The following CELF4 variants were observed in gnomAD, a reference collection of about 807,000 sequenced individuals.
CELF4 encodes the protein CUGBP Elav-like family member 4, also known as CUG-BP- and ETR-3-like factor 4.
CELF4 carries 18 observed loss-of-function variants against 59.9 expected under a neutral mutation model. The ratio of observed to expected loss-of-function variants is 0.30; its 90% CI spans 0.21 to 0.45. CELF4 has a LOEUF of 0.45. Among genes scored for constraint, CELF4 ranks in the 20% least tolerant of loss-of-function variants. The probability of loss-of-function intolerance (pLI) is 1.00; values close to 1 mark genes in which losing one functional copy is unlikely to be tolerated. For missense variants in CELF4, 456 were observed against 689.0 expected (o/e 0.66, Z 3.79); for synonymous variants, 261 against 267.1 (o/e 0.98, Z 0.22).
intron 3 of CELF4, among the ~76,000 whole-genome samples, chr18:37,318,992 C>T (rs1416087569): frequency 6.6e-6 from 1 of 152,156 alleles, no homozygotes; most frequent in African/African-American, 2.4e-5. Flanking sequence ...ACCTTCAAGA[C>T]CAGAAGGGCC....
At chr18:37,310,702 G>C (rs549107047) in intron 3 of CELF4, among the ~76,000 whole-genome samples, 5 of 152,332 alleles carry the variant, frequency 3.3e-5, no homozygotes, top group African/African-American at 1.2e-4. Flanking sequence ...TTATCAGGCT[G>C]TTCCCAGTGC....
chr18:37,278,414 G>A lies in CELF4; in HGVS notation c.449-3171C>T, dbSNP rs185824792. On this transcript the variant is annotated intron_variant, in intron 3 of 12. Transcript: ENST00000420428. ...GTCCTCCAGTTGGGTATTGTGGCTT[G>A]TGCGAGTGATTCTAAGGCTTGTCTC... Among the ~76,000 whole-genome samples, 9 of 152,228 alleles carry A rather than the reference G, an allele frequency of 5.9e-5. No homozygotes were observed. In the East Asian group the frequency reaches 1.7e-3, roughly 29 times the overall value.
intron 2 of CELF4, among the ~76,000 whole-genome samples, chr18:37,341,697 C>A (rs1412597348): frequency 1.3e-5 from 2 of 152,152 alleles, no homozygotes; most frequent in Admixed American, 1.3e-4. Flanking sequence ...CAGAGGGGAC[C>A]CTGCCTGGGG....
At chr18:37,517,913 G>C (rs1046340689) in intron 1 of CELF4, among the ~76,000 whole-genome samples, 5 of 152,130 alleles carry the variant, frequency 3.3e-5, no homozygotes. Flanking sequence ...TGTAGTTCAG[G>C]GTGTGTGTGA....
At chr18:37,442,878 CT>C (rs1343042964) in intron 2 of CELF4, among the ~76,000 whole-genome samples, 7 of 152,186 alleles carry the variant, frequency 4.6e-5, no homozygotes, top group Admixed American at 3.9e-4. Flanking sequence ...TTAAGCTCTC[CT>C]TCCTTTTCTT....
intron 2 of CELF4, among the ~76,000 whole-genome samples, chr18:37,344,598 A>C (rs952025941): frequency 1.3e-5 from 2 of 152,272 alleles, no homozygotes; most frequent in Non-Finnish European, 2.9e-5. Context: ...GGTGTGAGCC[A>C]TGAAAGCTTG....
intron 2 of CELF4, among the ~76,000 whole-genome samples, chr18:37,420,386 T>C (rs1296701340): frequency 6.6e-6 from 1 of 151,886 alleles, no homozygotes; most frequent in African/African-American, 2.4e-5. Flanking sequence ...CGATGAGGAG[T>C]GAATGAAATA....
chr18:37,352,996 C>T (rs1470019325), intron 2 of CELF4, among the ~76,000 whole-genome samples: 1 of 151,966 alleles, frequency 6.6e-6, no homozygotes, highest in Non-Finnish European at 1.5e-5. Context: ...CCAAGGTGGG[C>T]AGATCAGGAA....
intron 2 of CELF4, among the ~76,000 whole-genome samples, chr18:37,431,732 T>G (rs969947480): frequency 2.0e-5 from 3 of 152,188 alleles, no homozygotes; most frequent in Admixed American, 6.5e-5. Flanking sequence ...AAAATTAAAT[T>G]GTTAAACTTC....
intron 2 of CELF4, among the ~76,000 whole-genome samples, chr18:37,445,756 G>A (rs2099746474): frequency 6.6e-6 from 1 of 152,110 alleles, no homozygotes; most frequent in African/African-American, 2.4e-5. Context: ...CTCCCATAGA[G>A]CTTCCCCTGA....
chr18:37,482,471 C>A (rs1478702688), intron 2 of CELF4, among the ~76,000 whole-genome samples: 1 of 152,158 alleles, frequency 6.6e-6, no homozygotes, highest in African/African-American at 2.4e-5. Context: ...CTAAAACATG[C>A]CAAACTCAAA....
At chr18:37,328,542 C>T (rs2097414130) in intron 2 of CELF4, among the ~76,000 whole-genome samples, 1 of 152,202 alleles carries the variant, frequency 6.6e-6, no homozygotes, top group Non-Finnish European at 1.5e-5. Context: ...CCTGGAGACA[C>T]AGATTCATAT....
intron 2 of CELF4, among the ~76,000 whole-genome samples, chr18:37,443,309 A>AAGAGGCAGGCTCTGGGTTAGATAAAC (rs2099738380): frequency 6.6e-6 from 1 of 151,860 alleles, no homozygotes; most frequent in Non-Finnish European, 1.5e-5. Flanking sequence ...AAATAAACAC[A>AAGAGGCAGGCTCTGGGTTAGATAAAC]AGAGGCAGGC....
intron 3 of CELF4, among the ~76,000 whole-genome samples, chr18:37,282,942 T>C (rs1253037283): frequency 1.3e-5 from 2 of 152,114 alleles, no homozygotes; most frequent in Non-Finnish European, 2.9e-5. Context: ...GCCTTCCTGC[T>C]TGGGAAGAAG....
chr18:37,271,082 T>C (rs1480359819), intron 7 of CELF4, among the ~76,000 whole-genome samples, 165 bp from the exon 8 acceptor site: 9 of 152,290 alleles, frequency 5.9e-5, no homozygotes, highest in Non-Finnish European at 1.0e-4. Context: ...CCTTGGCTTA[T>C]CTCCCTATAT....
intron 2 of CELF4, among the ~76,000 whole-genome samples, chr18:37,444,062 C>T (rs1317325228): frequency 6.6e-6 from 1 of 152,164 alleles, no homozygotes; most frequent in Non-Finnish European, 1.5e-5. Flanking sequence ...TAACTTCTCC[C>T]TGCCTCAATG....
intron 2 of CELF4, among the ~76,000 whole-genome samples, chr18:37,427,144 TCTC>T (rs1272467481): frequency 6.6e-6 from 1 of 151,964 alleles, no homozygotes; most frequent in East Asian, 1.9e-4. Context: ...AATGAAGGCT[TCTC>T]CTCTCATCAG....
chr18:37,311,519 G>T (rs2096646284), intron 3 of CELF4, among the ~76,000 whole-genome samples: 1 of 152,206 alleles, frequency 6.6e-6, no homozygotes. Context: ...GGCTGGCCTG[G>T]TGGCTCACAC....
intron 1 of CELF4, among the ~76,000 whole-genome samples, chr18:37,502,391 AG>A (rs893832703): frequency 6.6e-6 from 1 of 151,272 alleles, no homozygotes; most frequent in Non-Finnish European, 1.5e-5. Flanking sequence ...GGAGGAAGGA[AG>A]GGGGGGCAGG....
Sources: allele counts gnomAD v4.1 joint callset (sites outside exome capture counted in the v4.1 genomes callset), GRCh38; gene constraint gnomAD v4.1.1; transcripts MANE v1.5; gene names NCBI Gene and HGNC (gene_info 2026-07-23, HGNC 2026-07-21).